Variants in CRADD observed in about 807,000 individuals in gnomAD.
The protein encoded by CRADD is death domain-containing protein CRADD.
CRADD carries 9 observed loss-of-function variants against 15.5 expected under a neutral mutation model. That is an observed-to-expected ratio of 0.58 (90% CI 0.35 to 1.01). The LOEUF (loss-of-function observed/expected upper bound fraction) is 1.01. CRADD is among the 50% of genes least tolerant of loss of function. The pLI is 0.02. For synonymous variants in CRADD, 118 were observed against 107.6 expected, an observed-to-expected ratio of 1.10 and a Z score of -0.60; for missense variants, 227 against 250.3, an observed-to-expected ratio of 0.91 and a Z score of 0.63.
chr12:93,736,313 T>C (rs1956568084), intron 2 of CRADD, among the ~76,000 whole-genome samples: 2 of 152,174 alleles, frequency 1.3e-5, no homozygotes, highest in South Asian at 2.1e-4. Flanking sequence ...GGGAATAATG[T>C]TCCTATTATT....
chr12:93,778,909 A>G (rs556990549), intron 2 of CRADD, among the ~76,000 whole-genome samples: 58 of 152,264 alleles, frequency 3.8e-4, no homozygotes, highest in Non-Finnish European at 6.3e-4. Flanking sequence ...TGAGGGTATA[A>G]GATTTTATCC....
intron 2 of CRADD, among the ~76,000 whole-genome samples, chr12:93,780,619 A>T (rs894503608): frequency 6.6e-6 from 1 of 152,242 alleles, no homozygotes; most frequent in Non-Finnish European, 1.5e-5. Flanking sequence ...ATTATATTGT[A>T]AGGCACATAA....
chr12:93,787,178 G>A (rs1287853938), intron 2 of CRADD, among the ~76,000 whole-genome samples: 1 of 147,094 alleles, frequency 6.8e-6, no homozygotes, highest in East Asian at 2.0e-4. Context: ...ATTCTTAGAA[G>A]GTGGATTTGA....
intron 2 of CRADD, among the ~76,000 whole-genome samples, chr12:93,689,413 T>C (rs1479452941): frequency 6.6e-6 from 1 of 151,912 alleles, no homozygotes; most frequent in Non-Finnish European, 1.5e-5. Flanking sequence ...CAGTAAGGAG[T>C]GTATACATAT....
chr12:93,742,681 C>A (rs1270547116), intron 2 of CRADD, among the ~76,000 whole-genome samples: 2 of 152,206 alleles, frequency 1.3e-5, no homozygotes, highest in Non-Finnish European at 2.9e-5. Flanking sequence ...CAAACACGTT[C>A]TTTTGCTTCT....
At chr12:93,791,391 G>C (rs1957347957) in intron 2 of CRADD, among the ~76,000 whole-genome samples, 1 of 152,062 alleles carries the variant, frequency 6.6e-6, no homozygotes, top group African/African-American at 2.4e-5. Flanking sequence ...GGCAAACCTG[G>C]CAGATGTTAC....
chr12:93,690,963 A>G (rs1955550228), intron 2 of CRADD, among the ~76,000 whole-genome samples: 1 of 152,240 alleles, frequency 6.6e-6, no homozygotes, highest in South Asian at 2.1e-4. Context: ...TTTAAAAAAT[A>G]CAAAAGAAAA....
intron 2 of CRADD, among the ~76,000 whole-genome samples, chr12:93,819,503 T>G (rs935281540): frequency 6.6e-6 from 1 of 152,248 alleles, no homozygotes; most frequent in African/African-American, 2.4e-5. Flanking sequence ...TGATTAAACA[T>G]CTCTGGCCTG....
At chr12:93,786,648 G>C (rs559877472) in intron 2 of CRADD, among the ~76,000 whole-genome samples, 5 of 152,062 alleles carry the variant, frequency 3.3e-5, no homozygotes, top group Non-Finnish European at 5.9e-5. Context: ...ACATTCAGAG[G>C]GATAAGTTTT....
chr12:93,891,755 CAT>C (rs1431519627), intron 2 of CRADD, among the ~76,000 whole-genome samples: 2 of 152,154 alleles, frequency 1.3e-5, no homozygotes, highest in Admixed American at 6.5e-5. Flanking sequence ...AGTAAGCTGT[CAT>C]AGCTGAGCTG....
In CRADD at chr12:93,829,900, C is replaced by A. The variant is rs528655077; in HGVS notation, c.299-20070C>A. On this transcript the variant is annotated intron_variant, in intron 2 of 2. Transcript: ENST00000332896. ...TAGAGAGGGGTTTTCACCATGTTGG[C>A]AGGGTGGTCCTGAACTCCTGACCTC... Among the ~76,000 whole-genome samples the A allele has an allele frequency of 3.3e-5, 5 of 152,196 alleles. No individual in the cohort carries two copies. In the South Asian group the frequency reaches 1.0e-3, roughly 32 times the overall value.
intron 2 of CRADD, among the ~76,000 whole-genome samples, chr12:93,864,060 A>G (rs568844054): frequency 6.6e-6 from 1 of 152,188 alleles, no homozygotes; most frequent in East Asian, 1.9e-4. Context: ...GATTTTATTT[A>G]TGTATTTATT....
intron 2 of CRADD, chr12:93,738,331 C>A (rs1261647635): frequency 2.9e-6 from 2 of 701,494 alleles, no homozygotes; most frequent in African/African-American, 3.5e-5. Context: ...GGCCCTGGAA[C>A]TCTGCCTTTT....
intron 2 of CRADD, among the ~76,000 whole-genome samples, chr12:93,783,923 C>CG (rs1490745115): frequency 2.0e-5 from 3 of 152,070 alleles, no homozygotes; most frequent in Non-Finnish European, 4.4e-5. Context: ...GCAGATGTGT[C>CG]GCTGTCATCT....
chr12:93,763,547 TTTC>T (rs1159249793), intron 2 of CRADD, among the ~76,000 whole-genome samples: 1 of 152,228 alleles, frequency 6.6e-6, no homozygotes, highest in African/African-American at 2.4e-5. Context: ...TATACCTCTT[TTTC>T]TTCTTTTAAT....
chr12:93,740,007 G>T (rs1463302913), intron 2 of CRADD, among the ~76,000 whole-genome samples: 2 of 151,974 alleles, frequency 1.3e-5, no homozygotes, highest in African/African-American at 4.8e-5. Flanking sequence ...GATTTTTATA[G>T]CATAAAATAC....
At chr12:93,868,686 G>GCA (rs570970896) in intron 2 of CRADD, among the ~76,000 whole-genome samples, 11,861 of 142,730 alleles carry the variant, frequency 0.083, 531 homozygotes, top group East Asian at 0.19. Flanking sequence ...TCTCTCTCTT[G>GCA]CACACACACA....
intron 2 of CRADD, among the ~76,000 whole-genome samples, chr12:93,689,701 A>C (rs1955522770): frequency 6.6e-6 from 1 of 152,210 alleles, no homozygotes; most frequent in Non-Finnish European, 1.5e-5. Context: ...TACCGCCGAG[A>C]TGTACTAAGT....
chr12:93,882,880 T>G (rs1024501815), intron 2 of CRADD, among the ~76,000 whole-genome samples: 1 of 152,226 alleles, frequency 6.6e-6, no homozygotes, highest in Non-Finnish European at 1.5e-5. Flanking sequence ...TGGTTTCCTT[T>G]CCATTCTCTT....
Sources: allele counts gnomAD v4.1 joint callset (sites outside exome capture counted in the v4.1 genomes callset), GRCh38; gene constraint gnomAD v4.1.1; transcripts MANE v1.5; gene names NCBI Gene and HGNC (gene_info 2026-07-23, HGNC 2026-07-21).